Variants in GABRA3 observed in about 807,000 individuals in gnomAD.
GABRA3 encodes gamma-aminobutyric acid type A receptor subunit alpha3, also known as gamma-aminobutyric acid receptor subunit alpha-3.
In GABRA3, 10 loss-of-function variants were observed where a neutral mutation model predicts 30.1. The ratio of observed to expected loss-of-function variants is 0.33; its 90% CI spans 0.20 to 0.56. The LOEUF (loss-of-function observed/expected upper bound fraction) is 0.56. Among genes scored for constraint, GABRA3 ranks in the 20% least tolerant of loss-of-function variants. The pLI is 0.89. For missense variants in GABRA3, 233 were observed against 392.0 expected, an observed-to-expected ratio of 0.59 and a Z score of 3.42; for synonymous variants, 151 against 146.8, an observed-to-expected ratio of 1.03 and a Z score of -0.21.
chrX:152,207,085 T>C (rs1469484029), intron 7 of GABRA3, among the ~76,000 whole-genome samples: 1 of 111,743 alleles, frequency 8.9e-6, no homozygotes, highest in Non-Finnish European at 1.9e-5. Flanking sequence ...ATTTCAAATG[T>C]TGATTTTTTT....
intron 1 of GABRA3, among the ~76,000 whole-genome samples, chrX:152,383,496 A>G (rs1321251276): frequency 1.8e-5 from 2 of 110,101 alleles, no homozygotes; most frequent in Non-Finnish European, 3.8e-5. Flanking sequence ...TTAGCAAAGC[A>G]AATTCAATAA....
At chrX:152,200,911 T>C (rs1165916864) in intron 7 of GABRA3, among the ~76,000 whole-genome samples, 2 of 112,183 alleles carry the variant, frequency 1.8e-5, no homozygotes, top group Non-Finnish European at 3.8e-5. Context: ...CATTCTGTCT[T>C]GTTGTCTGTC....
intron 2 of GABRA3, among the ~76,000 whole-genome samples, chrX:152,355,191 G>GA (rs746627903): frequency 9.9e-5 from 11 of 111,254 alleles, no homozygotes; most frequent in Non-Finnish European, 1.7e-4. Flanking sequence ...TGTTGATGCA[G>GA]AAAATGTGTT....
intron 9 of GABRA3, among the ~76,000 whole-genome samples, chrX:152,189,205 A>C (rs1479598921): frequency 8.9e-6 from 1 of 112,264 alleles, no homozygotes; most frequent in East Asian, 2.8e-4. Context: ...TAAATCTGTG[A>C]ATGATTCCAG....
chrX:152,301,678 C>T (rs899626257), intron 3 of GABRA3, among the ~76,000 whole-genome samples: 1 of 110,404 alleles, frequency 9.1e-6, no homozygotes, highest in Non-Finnish European at 1.9e-5. Context: ...GGATTACAGG[C>T]ACCTGCCACA....
intron 3 of GABRA3, among the ~76,000 whole-genome samples, chrX:152,336,489 C>T (rs1940236794): frequency 8.9e-6 from 1 of 112,065 alleles, no homozygotes; most frequent in Admixed American, 9.5e-5. Context: ...TCCCACCCAT[C>T]CCATAAGTTT....
chrX:152,273,617 T>C (rs1339771068), intron 4 of GABRA3, among the ~76,000 whole-genome samples: 1 of 112,217 alleles, frequency 8.9e-6, no homozygotes, highest in Non-Finnish European at 1.9e-5. Flanking sequence ...TTAAGTATAA[T>C]GAAATCCTGC....
At chrX:152,251,085 C>G in intron 5 of GABRA3, 1 of 321,812 alleles carries the variant, frequency 3.1e-6, no homozygotes, top group Non-Finnish European at 6.1e-6. Context: ...CCTATGTCTC[C>G]CTCCAGGCCC....
At chrX:152,447,980 T>C (rs1275195684) in intron 1 of GABRA3, among the ~76,000 whole-genome samples, 12 of 112,503 alleles carry the variant, frequency 1.1e-4, no homozygotes, top group Admixed American at 6.6e-4. Context: ...GAAAAAATCA[T>C]TTTATGTCTG....
intron 5 of GABRA3, among the ~76,000 whole-genome samples, chrX:152,235,462 AC>A (rs1386940702): frequency 1.8e-5 from 2 of 111,501 alleles, no homozygotes; most frequent in African/African-American, 6.5e-5. Flanking sequence ...TCTGCATATC[AC>A]ATGATTACAT....
chrX:152,386,786 C>T (rs1422634888), intron 1 of GABRA3, among the ~76,000 whole-genome samples: 1 of 110,775 alleles, frequency 9.0e-6, no homozygotes, highest in Non-Finnish European at 1.9e-5. Flanking sequence ...ACCCAGCCAT[C>T]CCATTACTGG....
intron 9 of GABRA3, among the ~76,000 whole-genome samples, chrX:152,180,315 A>C (rs972847367): frequency 8.9e-6 from 1 of 112,206 alleles, no homozygotes; most frequent in South Asian, 3.7e-4. Context: ...TGAGCATTTT[A>C]AAAATATAAC....
chrX:152,283,496 CAT>C (rs1939233681), intron 4 of GABRA3, among the ~76,000 whole-genome samples: 1 of 112,023 alleles, frequency 8.9e-6, no homozygotes, highest in Admixed American at 9.5e-5. Context: ...CCAATTGACT[CAT>C]AGACCTTGCA....
chrX:152,226,404 C>T (rs1253486142), intron 5 of GABRA3, among the ~76,000 whole-genome samples: 1 of 111,238 alleles, frequency 9.0e-6, no homozygotes, highest in Non-Finnish European at 1.9e-5. Context: ...AAGACTTAAA[C>T]CTAAGACCTA....
intron 5 of GABRA3, among the ~76,000 whole-genome samples, chrX:152,255,359 A>G (rs11796022): frequency 0.11 from 11,790 of 111,843 alleles, 494 homozygotes; most frequent in South Asian, 0.12. Context: ...TTTGATTCTC[A>G]CAACTCTGCA....
At chrX:152,360,366 G>A (rs2124491366) in intron 2 of GABRA3, among the ~76,000 whole-genome samples, 1 of 91,216 alleles carries the variant, frequency 1.1e-5, no homozygotes, top group South Asian at 6.2e-4. Flanking sequence ...ATTCTAACTG[G>A]TGTGAGATGA....
At chrX:152,345,257 G>C (rs772547122) in intron 3 of GABRA3, among the ~76,000 whole-genome samples, 1 of 111,511 alleles carries the variant, frequency 9.0e-6, no homozygotes, top group South Asian at 3.7e-4. Context: ...TGGAAATATA[G>C]TAAGTCTAAA....
chrX:152,401,299 CACACAA>C (rs1371391611), intron 1 of GABRA3, among the ~76,000 whole-genome samples: 6 of 107,695 alleles, frequency 5.6e-5, no homozygotes, highest in Non-Finnish European at 1.1e-4. Context: ...CACACACACA[CACACAA>C]ACACATATAC....
chrX:152,391,151 G>C (rs1245702876), intron 1 of GABRA3, among the ~76,000 whole-genome samples: 1 of 111,732 alleles, frequency 8.9e-6, no homozygotes, highest in African/African-American at 3.3e-5. Context: ...GATGGCAGAA[G>C]CACAGGCAAA....
Sources: gnomAD v4.1 joint callset for allele counts (sites outside exome capture counted in the v4.1 genomes callset) on GRCh38, gnomAD v4.1.1 for gene constraint, MANE v1.5 for transcripts, NCBI Gene and HGNC (gene_info 2026-07-23, HGNC 2026-07-21) for gene names.